Variants in STARD13 observed in about 807,000 individuals in gnomAD.
STARD13 encodes the protein StAR related lipid transfer domain containing 13, also known as stAR-related lipid transfer protein 13.
Under a neutral mutation model 106.4 loss-of-function variants are expected in STARD13, and 62 were observed. That is an observed-to-expected ratio of 0.58 (90% confidence interval 0.48 to 0.72). The LOEUF (loss-of-function observed/expected upper bound fraction) is 0.72. STARD13 is among the 30% of genes least tolerant of loss of function. The pLI is 0.00. For synonymous variants in STARD13, 565 were observed against 553.0 expected, an observed-to-expected ratio of 1.02 and a Z score of -0.31; for missense variants, 1,387 against 1,424.0, an observed-to-expected ratio of 0.97 and a Z score of 0.42.
At chr13:33,291,896 T>G (rs751049094) in intron 1 of STARD13, among the ~76,000 whole-genome samples, 3 of 152,222 alleles carry the variant, frequency 2.0e-5, no homozygotes, top group Non-Finnish European at 4.4e-5. Context: ...TGTTCTCTAT[T>G]CTTTACTTAC....
the STARD13 span, among the ~76,000 whole-genome samples, chr13:33,494,745 A>C: frequency 6.6e-6 from 1 of 151,956 alleles, no homozygotes; most frequent in Non-Finnish European, 1.5e-5. Flanking sequence ...TTATTTCACT[A>C]TAGCTAGCAC....
At chr13:33,458,162 G>A in the STARD13 span, among the ~76,000 whole-genome samples, 1 of 152,108 alleles carries the variant, frequency 6.6e-6, no homozygotes, top group Non-Finnish European at 1.5e-5. Flanking sequence ...GTGCAAAGAA[G>A]GGGACGTTGG....
intron 4 of STARD13, among the ~76,000 whole-genome samples, chr13:33,140,798 T>A (rs1440047646): frequency 6.6e-6 from 1 of 151,218 alleles, no homozygotes; most frequent in Non-Finnish European, 1.5e-5. Flanking sequence ...AGTCTCTCTC[T>A]GTCAGGCTGG....
At chr13:33,296,764 GC>G (rs998297597) in intron 1 of STARD13, among the ~76,000 whole-genome samples, 3 of 151,734 alleles carry the variant, frequency 2.0e-5, no homozygotes, top group African/African-American at 7.3e-5. Flanking sequence ...GATTACAGGG[GC>G]CCCCCACCAC....
At chr13:33,512,184 G>A in the STARD13 span, among the ~76,000 whole-genome samples, 3 of 152,074 alleles carry the variant, frequency 2.0e-5, no homozygotes, top group Non-Finnish European at 4.4e-5. Flanking sequence ...GTAAATAAAG[G>A]TTACACAGCA....
chr13:33,649,184 G>A, the STARD13 span, among the ~76,000 whole-genome samples: 1 of 152,298 alleles, frequency 6.6e-6, no homozygotes, highest in East Asian at 1.9e-4. Flanking sequence ...CAAAATTGTA[G>A]TTATTGTATT....
chr13:33,315,960 AC>A (rs1190010102), intron 1 of STARD13, among the ~76,000 whole-genome samples: 2 of 152,096 alleles, frequency 1.3e-5, no homozygotes, highest in African/African-American at 4.8e-5. Context: ...CACAGGGGTT[AC>A]TGTGTTGTCG....
At chr13:33,586,965 G>A in the STARD13 span, among the ~76,000 whole-genome samples, 1 of 152,146 alleles carries the variant, frequency 6.6e-6, no homozygotes, top group South Asian at 2.1e-4. Context: ...TGTAATCCTA[G>A]CACTTTGGGA....
At chr13:33,441,721 A>C in the STARD13 span, among the ~76,000 whole-genome samples, 1 of 152,230 alleles carries the variant, frequency 6.6e-6, no homozygotes, top group Non-Finnish European at 1.5e-5. Context: ...ATGATGATGC[A>C]GTTAAAGCTT....
At chr13:33,173,907 C>G (rs1001203941) in intron 1 of STARD13, among the ~76,000 whole-genome samples, 1 of 152,174 alleles carries the variant, frequency 6.6e-6, no homozygotes, top group African/African-American at 2.4e-5. Context: ...CAGAGACTCT[C>G]AGCTCTGTTT....
chr13:33,254,603 G>GC (rs1389858164), intron 1 of STARD13, among the ~76,000 whole-genome samples: 1 of 152,090 alleles, frequency 6.6e-6, no homozygotes, highest in Non-Finnish European at 1.5e-5. Flanking sequence ...GGCCTGCCAT[G>GC]CCCCCCTATC....
the STARD13 span, among the ~76,000 whole-genome samples, chr13:33,539,063 C>T: frequency 6.6e-6 from 1 of 152,148 alleles, no homozygotes; most frequent in Non-Finnish European, 1.5e-5. Flanking sequence ...GCCACTGCGC[C>T]CGGCCTTGCA....
rs778294015 is a variant in STARD13 at position 33,129,135 on chromosome 13, A to G, written c.1542T>C (p.His514=). The change falls in exon 5 of 14, where the codon CAT becomes CAC. Residue 514 remains histidine, a synonymous_variant. Transcript: ENST00000336934. The stretch of plus-strand genomic sequence containing the variant: ...AGCCAGGTTCCCCAACCAATGTATC[A>G]TGAGTTTGCAGTTCAGGCAAGACAT... ...SKDVLPELQT[H]DTLVGEPGLS... The G allele has an allele frequency of 2.8e-5, 46 of 1,614,108 alleles. No homozygotes were observed. The South Asian group carries it at 3.3e-4, about 12-fold the overall frequency.
chr13:33,434,288 G>C, the STARD13 span, among the ~76,000 whole-genome samples: 3 of 146,512 alleles, frequency 2.0e-5, no homozygotes, highest in African/African-American at 7.7e-5. Flanking sequence ...AGGGGGTGGA[G>C]GTTGCAGTGA....
the STARD13 span, among the ~76,000 whole-genome samples, chr13:33,471,327 T>G: frequency 6.6e-6 from 1 of 152,230 alleles, no homozygotes; most frequent in Non-Finnish European, 1.5e-5. Context: ...GGAAAGGTCT[T>G]TCTGCATAAT....
chr13:33,121,638 T>TA (rs1876325827), intron 7 of STARD13, among the ~76,000 whole-genome samples: 1 of 145,390 alleles, frequency 6.9e-6, no homozygotes, highest in African/African-American at 2.5e-5. Flanking sequence ...GTTTTCCACA[T>TA]AAAAAATGGA....
the STARD13 span, among the ~76,000 whole-genome samples, chr13:33,557,271 A>G: frequency 2.6e-5 from 4 of 151,898 alleles, no homozygotes; most frequent in South Asian, 4.1e-4. Flanking sequence ...AGAAGCTTAC[A>G]TACATTGAAC....
rs1237734341 is a variant in STARD13, at chr13:33,112,906, C to T, written c.2307G>A (p.Gln769=). The change falls in exon 9 of 14, where the codon CAG becomes CAA. Residue 769 remains glutamine (Q), a synonymous_variant. Transcript: ENST00000336934. ...GTAGCAGGATGGCAGCCTGCACGGC[C>T]TGCAGCCGCTGCTCTTTGGAGACAT... is the stretch of plus-strand genomic sequence containing the variant. ...YQYVSKEQRL[Q]AVQAAILLLA... is the part of the protein sequence containing the mutation. 1 of 1,611,550 alleles carries T rather than the reference C, an allele frequency of 6.2e-7. No individual in the cohort carries two copies. The highest frequency in any genetic ancestry group is 1.1e-5 in the South Asian group (1 of 90,560).
chr13:33,426,283 CATAA>C, the STARD13 span, among the ~76,000 whole-genome samples: 2 of 152,216 alleles, frequency 1.3e-5, no homozygotes, highest in Non-Finnish European at 2.9e-5. Flanking sequence ...TGACATCATA[CATAA>C]ATAAAGCCCA....
Sources: gnomAD v4.1 joint callset for allele counts (sites outside exome capture counted in the v4.1 genomes callset) on GRCh38, gnomAD v4.1.1 for gene constraint, MANE v1.5 for transcripts, NCBI Gene and HGNC (gene_info 2026-07-23, HGNC 2026-07-21) for gene names.